The following TENM1 variants were observed in gnomAD, a reference collection of about 807,000 sequenced individuals.
TENM1 encodes the protein teneurin-1.
A neutral mutation model predicts 174.8 loss-of-function variants in TENM1; 35 were observed. The observed-to-expected ratio is 0.20, with a 90% confidence interval of 0.15 to 0.27. The LOEUF (loss-of-function observed/expected upper bound fraction) is 0.27. Among genes scored for constraint, TENM1 ranks in the 10% least tolerant of loss-of-function variants. TENM1 has a pLI of 1.00. For missense variants in TENM1, 1,633 were observed against 2,130.1 expected (o/e 0.77, Z 4.59); for synonymous variants, 781 against 798.7 (o/e 0.98, Z 0.37).
chrX:124,453,406 A>T (rs777846883), exon 23 of TENM1: 1 of 1,210,821 alleles, frequency 8.3e-7, no homozygotes, highest in South Asian at 1.8e-5. Context: ...AGCCGATTAC[A>T]GTTGTGATCA....
chrX:124,440,559 G>A (rs772038363), intron 23 of TENM1, among the ~76,000 whole-genome samples: 38 of 111,228 alleles, frequency 3.4e-4, no homozygotes, highest in Non-Finnish European at 5.5e-4. Context: ...CTTCATTTGG[G>A]TCAAGAAATA....
At chrX:125,070,699 T>C in the TENM1 span, among the ~76,000 whole-genome samples, 1 of 111,704 alleles carries the variant, frequency 9.0e-6, no homozygotes, top group Non-Finnish European at 1.9e-5. Context: ...CTCAAATATC[T>C]AAAGGACTGT....
the TENM1 span, among the ~76,000 whole-genome samples, chrX:125,042,790 T>C: frequency 9.0e-6 from 1 of 111,451 alleles, no homozygotes; most frequent in Non-Finnish European, 1.9e-5. Flanking sequence ...GAGAATATTA[T>C]TAGGCAAGGC....
chrX:125,057,126 CTCAT>C, the TENM1 span, among the ~76,000 whole-genome samples: 1 of 111,850 alleles, frequency 8.9e-6, no homozygotes, highest in African/African-American at 3.2e-5. Flanking sequence ...AGGATGCTCT[CTCAT>C]TTTTATGCAT....
intron 11 of TENM1, among the ~76,000 whole-genome samples, chrX:124,581,541 T>C (rs2049311181): frequency 9.1e-6 from 1 of 110,036 alleles, no homozygotes; most frequent in Non-Finnish European, 1.9e-5. Context: ...TTGTTTTCTT[T>C]TGTATATATC....
the TENM1 span, among the ~76,000 whole-genome samples, chrX:125,098,089 C>T: frequency 9.0e-6 from 1 of 111,351 alleles, no homozygotes; most frequent in African/African-American, 3.3e-5. Context: ...CGGTGAAACC[C>T]TGTCTCTACT....
intron 22 of TENM1, among the ~76,000 whole-genome samples, chrX:124,470,169 A>G (rs2061283883): frequency 8.9e-6 from 1 of 112,136 alleles, no homozygotes; most frequent in Non-Finnish European, 1.9e-5. Flanking sequence ...CAGGTTATTC[A>G]TTGCAGCACT....
chrX:124,978,498 G>A, the TENM1 span, among the ~76,000 whole-genome samples: 3 of 111,925 alleles, frequency 2.7e-5, no homozygotes, highest in African/African-American at 6.5e-5. Flanking sequence ...TCTCCCTGAA[G>A]GTTATTGTTA....
At chrX:124,996,732 T>G in the TENM1 span, among the ~76,000 whole-genome samples, 1 of 111,065 alleles carries the variant, frequency 9.0e-6, no homozygotes, top group Non-Finnish European at 1.9e-5. Flanking sequence ...CTAATCAACC[T>G]CTTGAGCATA....
chrX:124,705,520 T>A (rs1380287543), intron 4 of TENM1, among the ~76,000 whole-genome samples: 1 of 110,994 alleles, frequency 9.0e-6, no homozygotes, highest in African/African-American at 3.3e-5. Flanking sequence ...GTGCTAACAT[T>A]CCACATTTGG....
the TENM1 span, among the ~76,000 whole-genome samples, chrX:125,099,948 C>T: frequency 3.6e-5 from 4 of 111,486 alleles, no homozygotes; most frequent in African/African-American, 1.3e-4. Context: ...ATGCAAAATG[C>T]AGTCTGCCTC....
At chrX:124,477,035 T>A (rs750262438) in intron 22 of TENM1, among the ~76,000 whole-genome samples, 38 of 112,606 alleles carry the variant, frequency 3.4e-4, no homozygotes, top group Non-Finnish European at 6.6e-4. Context: ...AGATAAAGAC[T>A]TCCTCCCAGG....
the TENM1 span, among the ~76,000 whole-genome samples, chrX:125,102,904 G>C: frequency 9.0e-6 from 1 of 111,700 alleles, no homozygotes; most frequent in Non-Finnish European, 1.9e-5. Flanking sequence ...AAGAGATAAG[G>C]GTGAGAGGTG....
the TENM1 span, among the ~76,000 whole-genome samples, chrX:125,160,027 C>G: frequency 9.2e-6 from 1 of 108,974 alleles, no homozygotes; most frequent in Non-Finnish European, 1.9e-5. Context: ...TTGTGAAACC[C>G]TGTCTCTACT....
At chrX:124,714,806 T>G (rs773690831) in intron 4 of TENM1, among the ~76,000 whole-genome samples, 13 of 112,025 alleles carry the variant, frequency 1.2e-4, no homozygotes, top group African/African-American at 4.2e-4. Flanking sequence ...ATATACTACA[T>G]ATTTTACAAT....
intron 19 of TENM1, among the ~76,000 whole-genome samples, chrX:124,501,376 G>C (rs1443645105): frequency 9.0e-6 from 1 of 111,545 alleles, no homozygotes; most frequent in African/African-American, 3.3e-5. Flanking sequence ...TTAACTGTCA[G>C]GTAAATATAA....
At chrX:124,875,769 C>G (rs1054734301) in intron 3 of TENM1, among the ~76,000 whole-genome samples, 2 of 104,516 alleles carry the variant, frequency 1.9e-5, no homozygotes, top group Non-Finnish European at 3.9e-5. Flanking sequence ...TCAGCTACTC[C>G]GGAGGCTAAA....
chrX:124,907,292 C>T (rs1044647449), intron 1 of TENM1, among the ~76,000 whole-genome samples: 39 of 112,008 alleles, frequency 3.5e-4, no homozygotes, highest in African/African-American at 1.3e-3. Context: ...TACTTTTACT[C>T]CAGGGGAATC....
chrX:124,420,742 C>T, exon 25 of TENM1: 1 of 1,211,246 alleles, frequency 8.3e-7, no homozygotes, highest in Non-Finnish European at 1.1e-6. Context: ...CGAGGTCTGC[C>T]ACATAGAGGG....
Sources: allele counts gnomAD v4.1 joint callset (sites outside exome capture counted in the v4.1 genomes callset), GRCh38; gene constraint gnomAD v4.1.1; transcripts MANE v1.5; gene names NCBI Gene and HGNC (gene_info 2026-07-23, HGNC 2026-07-21).